The following BSCL2 variants were observed in gnomAD, a reference collection of about 807,000 sequenced individuals.
BSCL2 encodes the protein seipin.
In BSCL2, 41 loss-of-function variants were observed where a neutral mutation model predicts 57.4. The ratio of observed to expected loss-of-function variants is 0.71; its 90% confidence interval spans 0.56 to 0.93. The LOEUF is 0.93. BSCL2 is among the 40% of genes least tolerant of loss of function. The pLI is 0.00. For synonymous variants in BSCL2, 237 were observed against 227.3 expected, an observed-to-expected ratio of 1.04 and a Z score of -0.38; for missense variants, 539 against 586.7, an observed-to-expected ratio of 0.92 and a Z score of 0.84.
At chr11:62,694,793 C>T in intron 3 of BSCL2, 82 bp from the exon 4 acceptor site, 1 of 1,483,330 alleles carries the variant, frequency 6.7e-7, no homozygotes, top group Non-Finnish European at 9.2e-7. Flanking sequence ...CTCTTAGCCC[C>T]CGCAACGCCC....
chr11:62,698,186 C>T (rs1337712242), intron 3 of BSCL2, among the ~76,000 whole-genome samples: 16 of 150,536 alleles, frequency 1.1e-4, no homozygotes, highest in Admixed American at 1.0e-3. Context: ...GGATTACAGG[C>T]GTGAGCCACC....
chr11:62,707,072 GTA>G, intron 1 of BSCL2, 35 bp downstream of exon 1: 1 of 1,526,066 alleles, frequency 6.6e-7, no homozygotes, highest in Middle Eastern at 1.7e-4. Flanking sequence ...CCTATTTCCA[GTA>G]TATTTCTGCT....
chr11:62,691,447 G>A, intron 6 of BSCL2, 26 bp from the exon 7 acceptor site: 1 of 1,613,148 alleles, frequency 6.2e-7, no homozygotes, highest in South Asian at 1.1e-5. Context: ...GGGACAAGAA[G>A]GTAGTAGCAG....
At chr11:62,700,637 G>A (rs918305636) in intron 3 of BSCL2, among the ~76,000 whole-genome samples, 1 of 151,732 alleles carries the variant, frequency 6.6e-6, no homozygotes, top group Admixed American at 6.6e-5. Context: ...AAGAAACTCC[G>A]TCTCAAATAA....
chr11:62,692,150 T>C (rs1340359450), intron 6 of BSCL2, among the ~76,000 whole-genome samples: 6 of 151,546 alleles, frequency 4.0e-5, no homozygotes. Context: ...ACAGGGATGA[T>C]GGAGGGTTGG....
intron 1 of BSCL2, chr11:62,705,937 T>G (rs532195509): frequency 9.4e-6 from 3 of 320,188 alleles, no homozygotes; most frequent in Admixed American, 9.1e-5. Flanking sequence ...TAGAAAGAGC[T>G]TTACACACAC....
At chr11:62,705,753 C>T (rs546924381) in intron 1 of BSCL2, 136 bp from the exon 2 acceptor site, 11 of 887,734 alleles carry the variant, frequency 1.2e-5, no homozygotes, top group Non-Finnish European at 1.8e-5. Flanking sequence ...TGGCCTTTCT[C>T]CAAATGATTG....
At chr11:62,704,665 T>C (rs1286941775) in intron 2 of BSCL2, among the ~76,000 whole-genome samples, 1 of 151,422 alleles carries the variant, frequency 6.6e-6, no homozygotes, top group African/African-American at 2.4e-5. Context: ...GGCACGAGAA[T>C]TGCTTGAACC....
chr11:62,694,044 C>T (rs1273536957), intron 4 of BSCL2, among the ~76,000 whole-genome samples: 2 of 151,526 alleles, frequency 1.3e-5, no homozygotes. Flanking sequence ...GAACTCTGGA[C>T]CTCAGGTGAT....
intron 6 of BSCL2, among the ~76,000 whole-genome samples, chr11:62,691,878 A>G (rs994896524): frequency 2.0e-5 from 3 of 152,136 alleles, no homozygotes; most frequent in Admixed American, 6.6e-5. Flanking sequence ...GTGAAACCCC[A>G]TCTCTACCAA....
chr11:62,692,291 C>T, intron 6 of BSCL2, 85 bp downstream of exon 6: 7 of 1,397,712 alleles, frequency 5.0e-6, no homozygotes, highest in Non-Finnish European at 7.0e-6. Flanking sequence ...GCTCTGTAAA[C>T]CCATTACCTC....
intron 6 of BSCL2, among the ~76,000 whole-genome samples, chr11:62,692,051 TAAAA>T (rs5792267): frequency 1.5e-5 from 2 of 132,398 alleles, no homozygotes; most frequent in African/African-American, 2.9e-5. Context: ...GACCCCCTCT[TAAAA>T]AAAAAAAAAA....
Position 62,694,666 on chromosome 11 carries a change from G to A in BSCL2, c.532C>T (p.Leu178=), listed in dbSNP as rs760613992. Residue 178 remains leucine (L), a synonymous_variant, in exon 4 of 11, where the codon CTG becomes TTG. Transcript: ENST00000360796. ...TCTTGATTCACAGGGGACTCTGGCAGCTCAAGCTCTAAGGTAACACGATAC... is the reference window on the plus strand; with the variant it reads ...TCTTGATTCACAGGGGACTCTGGCAACTCAAGCTCTAAGGTAACACGATAC... ...QPYRVTLELE[L]PESPVNQDLG... is the part of the protein sequence containing the mutation. 4 of 1,614,058 alleles carry A rather than the reference G, an allele frequency of 2.5e-6. No individual in the cohort carries two copies. Among genetic ancestry groups the A allele is most frequent in the Admixed American group, 1.7e-5 (1 of 59,998 alleles).
chr11:62,690,906 G>A, intron 8 of BSCL2, 39 bp from the exon 9 acceptor site: 1 of 1,609,580 alleles, frequency 6.2e-7, no homozygotes, highest in Non-Finnish European at 8.5e-7. Context: ...TTAGGGTTAG[G>A]GTGGCTGTGC....
chr11:62,702,915 C>T (rs1945687405), intron 2 of BSCL2, among the ~76,000 whole-genome samples: 1 of 152,008 alleles, frequency 6.6e-6, no homozygotes, highest in Non-Finnish European at 1.5e-5. Context: ...CTTTTGGAGG[C>T]CGAGGAGGGC....
intron 1 of BSCL2, 114 bp from the exon 2 acceptor site, chr11:62,705,731 G>C: frequency 9.7e-7 from 1 of 1,031,166 alleles, no homozygotes; most frequent in South Asian, 1.7e-5. Context: ...CAAAGTCATT[G>C]TTTCATATAT....
chr11:62,694,749 T>G, intron 3 of BSCL2, 38 bp from the exon 4 acceptor site: 2 of 1,605,406 alleles, frequency 1.2e-6, no homozygotes, highest in Non-Finnish European at 1.7e-6. Flanking sequence ...AAAAAATTTT[T>G]TTGTTGAAAA....
At chr11:62,698,683 T>G (rs1317471750) in intron 3 of BSCL2, among the ~76,000 whole-genome samples, 1 of 152,208 alleles carries the variant, frequency 6.6e-6, no homozygotes, top group African/African-American at 2.4e-5. Flanking sequence ...ACAAACAAAA[T>G]GTTCAACCTC....
At chr11:62,702,590 T>C in intron 2 of BSCL2, 41 bp from the exon 3 acceptor site, 1 of 1,557,084 alleles carries the variant, frequency 6.4e-7, no homozygotes, top group East Asian at 2.3e-5. Flanking sequence ...AAGTTAGTCT[T>C]ACTAGTCCAT....
Sources: allele counts gnomAD v4.1 joint callset (sites outside exome capture counted in the v4.1 genomes callset), GRCh38; gene constraint gnomAD v4.1.1; transcripts MANE v1.5; gene names NCBI Gene and HGNC (gene_info 2026-07-23, HGNC 2026-07-21).